The following GRIK4 variants were observed in gnomAD, a reference collection of about 807,000 sequenced individuals.
GRIK4 encodes the protein glutamate receptor ionotropic, kainate 4.
Under a neutral mutation model 104.9 loss-of-function variants are expected in GRIK4, and 40 were observed. The ratio of observed to expected loss-of-function variants is 0.38; its 90% CI spans 0.30 to 0.50. The LOEUF is 0.50. Among genes scored for constraint, GRIK4 ranks in the 20% least tolerant of loss-of-function variants. GRIK4 has a pLI of 0.93. For synonymous variants in GRIK4, 485 were observed against 524.9 expected (o/e 0.92, Z 1.04); for missense variants, 1,047 against 1,308.1 (o/e 0.80, Z 3.08).
chr11:120,981,967 G>A (rs545382927), intron 19 of GRIK4, 139 bp from the exon 20 acceptor site: 3 of 680,428 alleles, frequency 4.4e-6, no homozygotes, highest in Admixed American at 4.5e-5. Flanking sequence ...GTGTCTACAT[G>A]TCAAGTAGAT....
chr11:120,636,421 T>A (rs182240800), intron 1 of GRIK4, among the ~76,000 whole-genome samples: 1 of 152,294 alleles, frequency 6.6e-6, no homozygotes, highest in Admixed American at 6.5e-5. Flanking sequence ...TCAAAAGCAT[T>A]AGTTGAGTGA....
At chr11:120,913,727 C>T (rs1366149617) in intron 13 of GRIK4, among the ~76,000 whole-genome samples, 1 of 151,598 alleles carries the variant, frequency 6.6e-6, no homozygotes, top group Non-Finnish European at 1.5e-5. Context: ...GCTGAAACGC[C>T]TCATTCCATT....
At chr11:120,961,666 G>T (rs1002732237) in intron 17 of GRIK4, among the ~76,000 whole-genome samples, 1 of 152,174 alleles carries the variant, frequency 6.6e-6, no homozygotes, top group Admixed American at 6.5e-5. Flanking sequence ...CGATGTGTTC[G>T]CTGTCAAGCA....
intron 1 of GRIK4, among the ~76,000 whole-genome samples, chr11:120,564,248 G>C (rs1019224193): frequency 6.6e-6 from 1 of 152,242 alleles, no homozygotes; most frequent in African/African-American, 2.4e-5. Context: ...CCTTGTTACG[G>C]GGGAAAATGC....
chr11:120,650,357 C>T (rs4935750), intron 1 of GRIK4, among the ~76,000 whole-genome samples: 107,121 of 152,098 alleles, frequency 0.7, 37,802 homozygotes, highest in East Asian at 0.77. Context: ...AGAGTAGATA[C>T]GCAGAAAAGA....
At chr11:120,547,484 CA>C (rs1948096927) in intron 1 of GRIK4, among the ~76,000 whole-genome samples, 1 of 152,124 alleles carries the variant, frequency 6.6e-6, no homozygotes, top group Non-Finnish European at 1.5e-5. Context: ...CATAAAATCT[CA>C]CCGACACCTT....
chr11:120,556,691 AG>A (rs1282564292), intron 1 of GRIK4, among the ~76,000 whole-genome samples: 1 of 152,030 alleles, frequency 6.6e-6, no homozygotes, highest in African/African-American at 2.4e-5. Flanking sequence ...TTGCTTTAGG[AG>A]GAAAAAAAAG....
intron 4 of GRIK4, among the ~76,000 whole-genome samples, chr11:120,812,102 G>T (rs1591944077): frequency 6.6e-6 from 1 of 152,240 alleles, no homozygotes; most frequent in Non-Finnish European, 1.5e-5. Flanking sequence ...ATAAAGAGGG[G>T]TTGACCTGGA....
chr11:120,708,771 A>G (rs1488790902), intron 3 of GRIK4, among the ~76,000 whole-genome samples: 1 of 152,176 alleles, frequency 6.6e-6, no homozygotes, highest in Non-Finnish European at 1.5e-5. Context: ...CACCAGCTGA[A>G]GTCTTTGCTT....
At chr11:120,795,901 A>G (rs1455710224) in intron 3 of GRIK4, among the ~76,000 whole-genome samples, 1 of 152,140 alleles carries the variant, frequency 6.6e-6, no homozygotes, top group Non-Finnish European at 1.5e-5. Context: ...ACATCCTCCC[A>G]TATGCTTTAA....
intron 1 of GRIK4, among the ~76,000 whole-genome samples, chr11:120,527,897 T>G (rs1469656760): frequency 6.6e-6 from 1 of 152,212 alleles, no homozygotes; most frequent in African/African-American, 2.4e-5. Context: ...GGTTAACCCC[T>G]TCAGCTGCTT....
chr11:120,870,728 G>A (rs35560810), intron 9 of GRIK4: 5,105 of 131,424 alleles, frequency 0.039, 270 homozygotes, highest in African/African-American at 0.15. Context: ...ACAGATGAGT[G>A]GTTTTTTTTT....
intron 3 of GRIK4, among the ~76,000 whole-genome samples, chr11:120,749,033 C>A (rs1951497427): frequency 1.3e-5 from 2 of 152,226 alleles, no homozygotes; most frequent in African/African-American, 4.8e-5. Context: ...ATCTCCTCCT[C>A]CTGCTGATTT....
At chr11:120,975,192 C>T (rs1323747562) in intron 19 of GRIK4, among the ~76,000 whole-genome samples, 1 of 152,136 alleles carries the variant, frequency 6.6e-6, no homozygotes, top group African/African-American at 2.4e-5. Context: ...AGGAAGTTTG[C>T]TGTCTGGCAC....
rs555184834 is a variant in GRIK4 at position 120,712,454 on chromosome 11, T to C, written c.82+52054T>C. The stretch of plus-strand genomic sequence containing the variant: ...GTCATTTTTTGCCTTCCAGAGGCAG[T>C]GTCAACAGAGGTCACCCACCCTTCT... On this transcript the variant is annotated intron_variant, in intron 3 of 20. Transcript: ENST00000527524. 3.0e-4 allele frequency among the ~76,000 whole-genome samples: 46 copies of C among 152,276 alleles called. No individual in the cohort carries two copies. The South Asian group carries it at 9.5e-3, about 32-fold the overall frequency.
chr11:120,745,656 A>T (rs1951425653), intron 3 of GRIK4, among the ~76,000 whole-genome samples: 1 of 152,210 alleles, frequency 6.6e-6, no homozygotes, highest in Non-Finnish European at 1.5e-5. Context: ...TGACCTTGAG[A>T]AATGAGATTC....
intron 11 of GRIK4, among the ~76,000 whole-genome samples, chr11:120,878,102 C>T (rs976661012): frequency 6.6e-6 from 1 of 152,228 alleles, no homozygotes; most frequent in African/African-American, 2.4e-5. Flanking sequence ...CAGGGCTCAT[C>T]CTTCAGCCCC....
rs750381330 is a variant in GRIK4, at chr11:120,952,836, T to G, written c.1591-19T>G. On this transcript the variant is annotated intron_variant, in intron 14 of 20. Transcript: ENST00000527524. The surrounding 1 kb of genome is among the most constrained non-coding windows in gnomAD (Gnocchi z 5.2). ...GACTGAATATGTGCGGTGAATCTTG[T>G]TTTTCTCTCCATTTCCAGGGACGCA... 2 of 1,561,546 alleles carry G rather than the reference T, an allele frequency of 1.3e-6. No homozygotes were observed. Among genetic ancestry groups the G allele is most frequent in the Non-Finnish European group, 1.8e-6 (2 of 1,132,080 alleles).
chr11:120,787,690 T>G (rs1447184995), intron 3 of GRIK4, among the ~76,000 whole-genome samples: 2 of 151,706 alleles, frequency 1.3e-5, no homozygotes, highest in Admixed American at 1.3e-4. Context: ...TTGGAACTCC[T>G]GGCCTCACGT....
Sources: allele counts gnomAD v4.1 joint callset (sites outside exome capture counted in the v4.1 genomes callset), GRCh38; gene constraint gnomAD v4.1.1; non-coding constraint Gnocchi (gnomAD v3.1); transcripts MANE v1.5; gene names NCBI Gene and HGNC (gene_info 2026-07-23, HGNC 2026-07-21).